DST: variants seen among roughly 807,000 people sequenced by gnomAD.
DST encodes the protein bullous pemphigoid antigen.
Under a neutral mutation model 875.2 loss-of-function variants are expected in DST, and 253 were observed. The observed-to-expected ratio is 0.29, with a 90% CI of 0.26 to 0.32. DST has a LOEUF of 0.32. DST is among the 10% of genes least tolerant of loss of function. DST has a pLI of 1.00. For missense variants in DST, 8,287 were observed against 9,111.6 expected (o/e 0.91, Z 3.68); for synonymous variants, 3,124 against 3,197.1 (o/e 0.98, Z 0.77).
rs892216045 is a variant in DST at position 56,601,504 on chromosome 6, G to C, written c.11480C>G (p.Thr3827Ser). The change falls in exon 44 of 104, where the codon ACT becomes AGT. Residue 3827 changes from threonine (T) to serine (S), a missense_variant. Around this residue, in one of 10 missense-constraint regions of DST, gnomAD observed 3,138 missense variants for 3,116.6 expected, o/e 1.01. Coordinates refer to ENST00000680361, the MANE Select transcript of DST (RefSeq NM_001374736.1). ...KCFLDVQESVTTQVERLETQL... is the reference protein window; with the variant it reads ...KCFLDVQESVSTQVERLETQL... ...AGTCTCTAAACGTTCCACCTGGGTAGTTACTGACTCCTGTACATCAAGAAA... is the reference window on the plus strand; with the variant it reads ...AGTCTCTAAACGTTCCACCTGGGTACTTACTGACTCCTGTACATCAAGAAA... The C allele has an allele frequency of 6.2e-7, 1 of 1,606,370 alleles. No homozygotes were observed. The highest frequency in any genetic ancestry group is 1.3e-5 in the African/African-American group (1 of 74,776).
rs762182235 is a variant in DST at position 56,616,667 on chromosome 6, A to G, written c.4930-2183T>C. ...ATTCAACAACCCCTGCTGCAGAGCA[A>G]TTTCTGGAGGAACACGAATGCCTCT... On this transcript the variant is annotated intron_variant, in intron 36 of 103. Coordinates refer to ENST00000680361, the MANE Select transcript of DST (RefSeq NM_001374736.1). 16 of 1,614,098 alleles carry G rather than the reference A, an allele frequency of 9.9e-6. No individual in the cohort carries two copies. The highest frequency in any genetic ancestry group is 5.3e-5 in the African/African-American group (4 of 74,940).
intron 4 of DST, among the ~76,000 whole-genome samples, chr6:56,763,854 T>C (rs2099625259): frequency 6.6e-6 from 1 of 152,188 alleles, no homozygotes; most frequent in South Asian, 2.1e-4. Context: ...GTTTTCACTT[T>C]GAAAATGTAC....
chr6:56,910,441 GC>G (rs1798353489), intron 2 of DST, among the ~76,000 whole-genome samples: 1 of 152,056 alleles, frequency 6.6e-6, no homozygotes. Flanking sequence ...ATAGGCATGA[GC>G]CACTGTGCCT....
intron 4 of DST, among the ~76,000 whole-genome samples, chr6:56,798,461 C>A (rs1326916391): frequency 1.3e-5 from 2 of 151,956 alleles, no homozygotes; most frequent in African/African-American, 2.4e-5. Flanking sequence ...GGTTTAATAA[C>A]TATTTTAAGC....
At chr6:56,505,139 G>C (rs1050804678) in intron 77 of DST, among the ~76,000 whole-genome samples, 1 of 152,160 alleles carries the variant, frequency 6.6e-6, no homozygotes, top group Admixed American at 6.5e-5. Flanking sequence ...ATCAAATCTT[G>C]AAAATTAGCA....
Position 56,779,399 on chromosome 6 carries a change from T to A in DST, c.626-44110A>T, listed in dbSNP as rs569574908. On this transcript the variant is annotated intron_variant, in intron 4 of 103. Transcript: ENST00000680361. The stretch of plus-strand genomic sequence containing the variant: ...AGCTCTTTAGTTTAAATAGATCCCA[T>A]TTGTCAATTTTGGCTTTTGTTGCCA... Among the ~76,000 whole-genome samples, 28 of 152,224 alleles carry A rather than the reference T, an allele frequency of 1.8e-4. No individual in the cohort carries two copies. The East Asian group carries it at 5.2e-3, about 28-fold the overall frequency.
chr6:56,792,751 C>T (rs536847028), intron 4 of DST, among the ~76,000 whole-genome samples: 236 of 152,222 alleles, frequency 1.6e-3, no homozygotes, highest in Admixed American at 4.4e-3. Flanking sequence ...ATAAGACAAA[C>T]CCAGATTGTG....
chr6:56,630,571 C>T (rs1361706863), intron 30 of DST, among the ~76,000 whole-genome samples, 188 bp from the exon 31 acceptor site: 1 of 152,160 alleles, frequency 6.6e-6, no homozygotes, highest in Non-Finnish European at 1.5e-5. Flanking sequence ...AACCCATCCC[C>T]TGCCCCACAA....
Position 56,604,291 on chromosome 6 carries a change from A to C in DST, c.10337T>G (p.Leu3446Arg), listed in dbSNP as rs1464492972. 1.2e-6 allele frequency: 2 copies of C among 1,612,004 alleles called. No individual in the cohort carries two copies. The highest frequency in any genetic ancestry group is 1.1e-5 in the South Asian group (1 of 90,960). ...ATGTTGATCTTGCTTCAATATATTA[A>C]GGAGAAGCTCAGACTTAAGATTTCC... is the stretch of plus-strand genomic sequence containing the variant. ...CIGNLKSELLLNILKQDQHSQ... is the reference protein window; with the variant it reads ...CIGNLKSELLRNILKQDQHSQ... Residue 3446 changes from leucine (L) to arginine (R), a missense_variant, in exon 40 of 104, where the codon CTT (leucine) becomes CGT (arginine). Leu to Arg is a moderately radical substitution (Grantham distance 102). Around this residue, in one of 10 missense-constraint regions of DST, gnomAD observed 3,138 missense variants for 3,116.6 expected, o/e 1.01. Transcript: ENST00000680361.
At chr6:56,480,348 T>TA (rs2095360081) in intron 90 of DST, among the ~76,000 whole-genome samples, 1 of 152,216 alleles carries the variant, frequency 6.6e-6, no homozygotes, top group Non-Finnish European at 1.5e-5. Context: ...GAACAGCTGA[T>TA]ACAAATAATG....
chr6:56,881,250 A>C (rs991518532), intron 3 of DST, among the ~76,000 whole-genome samples: 3 of 152,134 alleles, frequency 2.0e-5, no homozygotes, highest in Admixed American at 2.0e-4. Flanking sequence ...CGATGGGGGC[A>C]GATCACGAGG....
intron 22 of DST, among the ~76,000 whole-genome samples, chr6:56,637,534 G>C (rs2098837614): frequency 6.6e-6 from 1 of 152,058 alleles, no homozygotes; most frequent in Non-Finnish European, 1.5e-5. Context: ...GATGAGGTTT[G>C]GGGAGGGTGG....
In DST at chr6:56,463,655, T is replaced by C. The variant is rs775260497; in HGVS notation, c.22869A>G (p.Ser7623=). Residue 7623 remains serine (S), a synonymous_variant, in exon 101 of 104, where the codon TCA becomes TCG. Coordinates refer to ENST00000680361, the MANE Select transcript of DST (RefSeq NM_001374736.1). ...TGGATCTGTTGGGTGAAGCGCCTCGTGATGATGGCCGGGATCTTCGGCCTC... is the reference window on the plus strand; with the variant it reads ...TGGATCTGTTGGGTGAAGCGCCTCGCGATGATGGCCGGGATCTTCGGCCTC... ...RPRGRRSRPS[S]RGASPNRSTS... is the part of the protein sequence containing the mutation. 8 of 1,613,984 alleles carry C rather than the reference T, an allele frequency of 5.0e-6. No individual in the cohort carries two copies. The South Asian group carries it at 6.6e-5, about 13-fold the overall frequency.
At chr6:56,796,971 C>T (rs777160874) in intron 4 of DST, among the ~76,000 whole-genome samples, 2 of 152,148 alleles carry the variant, frequency 1.3e-5, no homozygotes, top group African/African-American at 4.8e-5. Flanking sequence ...CTGCACTTGG[C>T]TTTATTGTGC....
Position 56,653,740 on chromosome 6 carries a change from C to T in DST, c.1215-2496G>A, listed in dbSNP as rs531526958. On this transcript the variant is annotated intron_variant, in intron 10 of 103. Coordinates refer to ENST00000680361, the MANE Select transcript of DST (RefSeq NM_001374736.1). ...GTAATAGCCTATAAAATTTAAAATG[C>T]TATTCCTCCCTTAGCTCATATCCTA... Among the ~76,000 whole-genome samples, 21 of 152,180 alleles carry T rather than the reference C, an allele frequency of 1.4e-4. No homozygotes were observed. In the South Asian group the frequency reaches 4.1e-3, roughly 30 times the overall value.
chr6:56,488,426 A>G (rs77028262), intron 86 of DST, among the ~76,000 whole-genome samples: 3,577 of 152,292 alleles, frequency 0.023, 138 homozygotes, highest in African/African-American at 0.08. Context: ...GAAGGAAGGA[A>G]GGTGCTGTTC....
chr6:56,932,157 G>C (rs1403276810), intron 2 of DST, among the ~76,000 whole-genome samples: 4 of 152,084 alleles, frequency 2.6e-5, no homozygotes, highest in Admixed American at 1.3e-4. Context: ...TGAATCATGG[G>C]GGTGGTTTCC....
chr6:56,696,757 T>C (rs1213697414), intron 9 of DST, among the ~76,000 whole-genome samples: 4 of 152,166 alleles, frequency 2.6e-5, no homozygotes, highest in Non-Finnish European at 5.9e-5. Context: ...CTGCTCACCA[T>C]TATTTCTACT....
chr6:56,753,396 C>T (rs2099593683), intron 4 of DST, among the ~76,000 whole-genome samples: 1 of 152,190 alleles, frequency 6.6e-6, no homozygotes, highest in Non-Finnish European at 1.5e-5. Flanking sequence ...TACCAGACCT[C>T]AAATCCCCAC....
Sources: gnomAD v4.1 joint callset for allele counts (sites outside exome capture counted in the v4.1 genomes callset) on GRCh38, gnomAD v4.1.1 for gene constraint, gnomAD v4.1.1 regional missense constraint, MANE v1.5 for transcripts, NCBI Gene and HGNC (gene_info 2026-07-23, HGNC 2026-07-21) for gene names.